The following JUND variants were observed in gnomAD, a reference collection of about 807,000 sequenced individuals.
The protein encoded by JUND is transcription factor JunD.
In JUND, 2 loss-of-function variants were observed where a neutral mutation model predicts 7.1. The observed-to-expected ratio is 0.28, with a 90% CI of 0.11 to 0.88. The LOEUF (loss-of-function observed/expected upper bound fraction) is 0.88, where lower values mean the gene tolerates loss of function less well. Ranked by LOEUF, JUND falls within the 40% of genes least tolerant of loss-of-function variation. JUND has a pLI of 0.60. For synonymous variants in JUND, 335 were observed against 263.2 expected (o/e 1.27, Z -2.64); for missense variants, 479 against 519.1 (o/e 0.92, Z 0.75).
rs1009497995 is a variant in JUND at position 18,279,852 on chromosome 19, A to G, written c.*589T>C. The G allele has an allele frequency of 6.8e-6, 1 of 147,488 alleles. No individual in the cohort carries two copies. The highest frequency in any genetic ancestry group is 1.5e-5 in the Non-Finnish European group (1 of 66,866). 9.1% of individuals were successfully genotyped at this position (147,488 alleles called of 1,614,324 possible). On this transcript the variant is annotated 3_prime_UTR_variant, in exon 1 of 1. Transcript: ENST00000252818. Reference sequence around the variant, plus strand: ...CTCGTAGCAAAACAAAACAAAACAGAACAAAAAAGGGAGGGGGGACCGGTC... The same window carrying G: ...CTCGTAGCAAAACAAAACAAAACAGGACAAAAAAGGGAGGGGGGACCGGTC...
chr19:18,280,342 CCCAGGGCCG>C lies in JUND; in HGVS notation c.*90_*98del, dbSNP rs1335618235. On this transcript the variant is annotated 3_prime_UTR_variant, in exon 1 of 1. Coordinates refer to ENST00000252818, the MANE Select transcript of JUND (RefSeq NM_005354.6). The surrounding 1 kb of genome is among the most constrained non-coding windows in gnomAD (Gnocchi z 4.1). ...TGGGCACACTCGGGGAGGGGGGGTCCCCAGGGCCGCACCCTCTCCAAGTCCGGGGCGCCC... is the reference window on the plus strand; with the variant it reads ...TGGGCACACTCGGGGAGGGGGGGTCCCACCCTCTCCAAGTCCGGGGCGCCC... The C allele has an allele frequency of 1.5e-6, 2 of 1,349,434 alleles. No homozygotes were observed. Among genetic ancestry groups the C allele is most frequent in the Non-Finnish European group, 2.0e-6 (2 of 1,009,704 alleles). The allele number at this position is 1,349,434 out of a possible 1,614,324, so 83.6% of individuals were successfully genotyped here.
Position 18,281,556 on chromosome 19 carries a change from TCCGCTCGGCCCTGCGCCCGCCCCGG to T in JUND, c.-97_-73del. On this transcript the variant is annotated 5_prime_UTR_variant, in exon 1 of 1. Coordinates refer to ENST00000252818, the MANE Select transcript of JUND (RefSeq NM_005354.6). Reference sequence around the variant, plus strand: ...CTCCCGGGGGGCCCGCGCCCCCCCGTCCGCTCGGCCCTGCGCCCGCCCCGGCCGCGGCCGCAGCGCCCGGCCCTCC... The same window carrying T: ...CTCCCGGGGGGCCCGCGCCCCCCCGTCCGCGGCCGCAGCGCCCGGCCCTCC... 1.5e-6 allele frequency: 1 copy of T among 678,028 alleles called. No individual in the cohort carries two copies. The highest frequency in any genetic ancestry group is 1.9e-6 in the Non-Finnish European group (1 of 536,272). 42.0% of individuals were successfully genotyped at this position (678,028 alleles called of 1,614,324 possible). A position where few individuals can be genotyped will look rare whatever the true frequency, so the allele number is the denominator to read the frequency against.
rs1969948656 is a variant in JUND, at chr19:18,281,466, C to G, written c.19G>C (p.Gly7Arg). 1 of 1,347,640 alleles carries G rather than the reference C, an allele frequency of 7.4e-7. No homozygotes were observed. Among genetic ancestry groups the G allele is most frequent in the Non-Finnish European group, 9.5e-7 (1 of 1,053,014 alleles). 83.5% of individuals were successfully genotyped at this position (1,347,640 alleles called of 1,614,324 possible). The change falls in exon 1 of 1, where the codon GGC becomes CGC. Residue 7 changes from glycine (G) to arginine (R), a missense_variant. Around this residue, in one of 3 missense-constraint regions of JUND, gnomAD observed 374 missense variants for 365.4 expected, o/e 1.02. Coordinates refer to ENST00000252818, the MANE Select transcript of JUND (RefSeq NM_005354.6). ...CCCAGGCCGCTCAGCGCCTCATCGC[C>G]GTAGAAGGGTGTTTCCATCCTCCGC... is the stretch of plus-strand genomic sequence containing the variant. METPFYGDEALSGLGGG... is the reference protein window; with the variant it reads METPFYRDEALSGLGGG...
chr19:18,281,267 AG>A lies in JUND; in HGVS notation c.217del (p.Leu73CysfsTer24), dbSNP rs1378786621. On this transcript the variant is annotated frameshift_variant, in exon 1 of 1. Coordinates refer to ENST00000252818, the MANE Select transcript of JUND (RefSeq NM_005354.6). LOFTEE classifies it low-confidence loss of function (END_TRUNC). Reference sequence around the variant, plus strand: ...CGCGCTGGGGGCGCCGTCGGCGCGCAGGGGGGTAGGAGGCGGCGCGGCCGCA... The same window carrying A: ...CGCGCTGGGGGCGCCGTCGGCGCGCAGGGGGTAGGAGGCGGCGCGGCCGCA... ...KPAAAPPPTP[L>X]RADGAPSAAP... The A allele has an allele frequency of 3.4e-6, 5 of 1,450,662 alleles. No individual in the cohort carries two copies. Among genetic ancestry groups the A allele is most frequent in the East Asian group, 3.0e-5 (1 of 33,600 alleles). 89.9% of individuals were successfully genotyped at this position (1,450,662 alleles called of 1,614,324 possible).
chr19:18,280,434 C>G lies in JUND; in HGVS notation c.*7G>C, dbSNP rs1361682337. ...AGGGTGGCCGCGCATGCGCCCCGCG[C>G]GCGGACTCAGTACGCGGGCACCTGG... On this transcript the variant is annotated 3_prime_UTR_variant, in exon 1 of 1. Coordinates refer to ENST00000252818, the MANE Select transcript of JUND (RefSeq NM_005354.6). This position sits in a 1 kb window ranked among gnomAD's most constrained non-coding sequence, Gnocchi z 4.1. The G allele has an allele frequency of 1.9e-6, 3 of 1,547,794 alleles. No individual in the cohort carries two copies. Among genetic ancestry groups the G allele is most frequent in the Admixed American group, 2.0e-5 (1 of 51,004 alleles).
chr19:18,280,980 G>C lies in JUND; in HGVS notation c.505C>G (p.Pro169Ala), dbSNP rs1969935357. The C allele has an allele frequency of 9.0e-7, 1 of 1,112,954 alleles. No homozygotes were observed. The highest frequency in any genetic ancestry group is 1.1e-6 in the Non-Finnish European group (1 of 918,014). 68.9% of individuals were successfully genotyped at this position (1,112,954 alleles called of 1,614,324 possible). The change falls in exon 1 of 1, where the codon CCC becomes GCC. Residue 169 changes from proline to alanine, a missense_variant. Coordinates refer to ENST00000252818, the MANE Select transcript of JUND (RefSeq NM_005354.6). This position sits in a 1 kb window ranked among gnomAD's most constrained non-coding sequence, Gnocchi z 4.1. Reference sequence around the variant, plus strand: ...GCGGAGCCCGTGGCCGTGCCCGAGGGCCCCCCGGCGGCGGCGGCGGCGGCG... The same window carrying C: ...GCGGAGCCCGTGGCCGTGCCCGAGGCCCCCCCGGCGGCGGCGGCGGCGGCG... ...AAAAAAAAGGPSGTATGSAPP... is the reference protein window; with the variant it reads ...AAAAAAAAGGASGTATGSAPP...
In JUND at chr19:18,280,497, T is replaced by C. The variant is rs1430585955; in HGVS notation, c.988A>G (p.Ser330Gly). ...AGCTGGCAGCCGCTGTTGACGTGGCTGAGGACTTTCTGCTTGAGCTGCGCC... is the reference window on the plus strand; with the variant it reads ...AGCTGGCAGCCGCTGTTGACGTGGCCGAGGACTTTCTGCTTGAGCTGCGCC... ...QVAQLKQKVL[S>G]HVNSGCQLLP... Residue 330 changes from serine to glycine, a missense_variant, in exon 1 of 1, where the codon AGC becomes GGC. Ser to Gly is a moderately conservative substitution (Grantham distance 56). Coordinates refer to ENST00000252818, the MANE Select transcript of JUND (RefSeq NM_005354.6). This position sits in a 1 kb window ranked among gnomAD's most constrained non-coding sequence, Gnocchi z 4.1. 6.3e-7 allele frequency: 1 copy of C among 1,597,932 alleles called. No individual in the cohort carries two copies. Among genetic ancestry groups the C allele is most frequent in the South Asian group, 1.1e-5 (1 of 89,194 alleles).
Position 18,280,978 on chromosome 19 carries a change from G to A in JUND, c.507C>T (p.Pro169=), listed in dbSNP as rs760521938. ...GCGCGGAGCCCGTGGCCGTGCCCGA[G>A]GGCCCCCCGGCGGCGGCGGCGGCGG... ...AAAAAAAAGG[P]SGTATGSAPP... The change falls in exon 1 of 1, where the codon CCC becomes CCT. Residue 169 remains proline, a synonymous_variant. Coordinates refer to ENST00000252818, the MANE Select transcript of JUND (RefSeq NM_005354.6). This position sits in a 1 kb window ranked among gnomAD's most constrained non-coding sequence, Gnocchi z 4.1. The A allele has an allele frequency of 1.9e-5, 21 of 1,109,050 alleles. No individual in the cohort carries two copies. The highest frequency in any genetic ancestry group is 1.6e-4 in the South Asian group (4 of 24,362). 68.7% of individuals were successfully genotyped at this position (1,109,050 alleles called of 1,614,324 possible). A position where few individuals can be genotyped will look rare whatever the true frequency, so the allele number is the denominator to read the frequency against.
chr19:18,280,241 A>T lies in JUND; in HGVS notation c.*200T>A. 5.8e-6 allele frequency: 1 copy of T among 172,110 alleles called. No individual in the cohort carries two copies. The allele number at this position is 172,110 out of a possible 1,614,324, so 10.7% of individuals were successfully genotyped here. The stretch of plus-strand genomic sequence containing the variant: ...GTCATGCGCTCGCCCCCCCGGGAGC[A>T]GGGGGTCCAGCTTGTCGAGTCCTGG... On this transcript the variant is annotated 3_prime_UTR_variant, in exon 1 of 1. Coordinates refer to ENST00000252818, the MANE Select transcript of JUND (RefSeq NM_005354.6). The surrounding 1 kb of genome is among the most constrained non-coding windows in gnomAD (Gnocchi z 4.1).
Position 18,280,812 on chromosome 19 carries a change from G to A in JUND, c.673C>T (p.Pro225Ser). 1.3e-6 allele frequency: 2 copies of A among 1,558,958 alleles called. No individual in the cohort carries two copies. The highest frequency in any genetic ancestry group is 1.7e-6 in the Non-Finnish European group (2 of 1,161,988). Reference sequence around the variant, plus strand: ...GGCCCCAACGCGCCTGGGGGTGGCGGCGGCGGGAAGGGCACAGGTTCGGCA... The same window carrying A: ...GGCCCCAACGCGCCTGGGGGTGGCGACGGCGGGAAGGGCACAGGTTCGGCA... ...FAAEPVPFPP[P>S]PPPGALGPPR... Residue 225 changes from proline (P) to serine (S), a missense_variant, in exon 1 of 1, where the codon CCG becomes TCG. Transcript: ENST00000252818. The surrounding 1 kb of genome is among the most constrained non-coding windows in gnomAD (Gnocchi z 4.1).
chr19:18,281,494 C>A lies in JUND; in HGVS notation c.-10G>T. ...AGAAGGGTGTTTCCATCCTCCGCCTCCCCCGCCGCGCCGGCCCGGGGGGGA... is the reference window on the plus strand; with the variant it reads ...AGAAGGGTGTTTCCATCCTCCGCCTACCCCGCCGCGCCGGCCCGGGGGGGA... On this transcript the variant is annotated 5_prime_UTR_variant, in exon 1 of 1. Coordinates refer to ENST00000252818, the MANE Select transcript of JUND (RefSeq NM_005354.6). 7.8e-7 allele frequency: 1 copy of A among 1,275,704 alleles called. No individual in the cohort carries two copies. The highest frequency in any genetic ancestry group is 9.9e-7 in the Non-Finnish European group (1 of 1,013,604). 79.0% of individuals were successfully genotyped at this position (1,275,704 alleles called of 1,614,324 possible).
rs763805694 is a variant in JUND, at chr19:18,281,126, C to T, written c.359G>A (p.Ser120Asn). Residue 120 changes from serine to asparagine, a missense_variant, in exon 1 of 1, where the codon AGC (serine) becomes AAC (asparagine). This residue lies in a region of JUND where 374 missense variants were observed against 365.4 expected (regional missense o/e 1.02). Coordinates refer to ENST00000252818, the MANE Select transcript of JUND (RefSeq NM_005354.6). ...CACCTTGGGGTAGAGGAACTGTGAG[C>T]TCGTCGGCGTGGTGGTGACCAGCCC... ...SNGLVTTTPT[S>N]SQFLYPKVAA... The T allele has an allele frequency of 4.3e-5, 68 of 1,579,374 alleles. No homozygotes were observed. The highest frequency in any genetic ancestry group is 5.4e-5 in the Non-Finnish European group (63 of 1,168,690).
At position 18,280,519 on chromosome 19, in the gene JUND, C is replaced by G; in HGVS notation, c.966G>C (p.Ala322=). 1 of 1,609,100 alleles carries G rather than the reference C, an allele frequency of 6.2e-7. No homozygotes were observed. The highest frequency in any genetic ancestry group is 8.5e-7 in the Non-Finnish European group (1 of 1,178,244). Residue 322 remains alanine, a synonymous_variant, in exon 1 of 1, where the codon GCG becomes GCC. Coordinates refer to ENST00000252818, the MANE Select transcript of JUND (RefSeq NM_005354.6). The surrounding 1 kb of genome is among the most constrained non-coding windows in gnomAD (Gnocchi z 4.1). The stretch of plus-strand genomic sequence containing the variant: ...GGCTGAGGACTTTCTGCTTGAGCTG[C>G]GCCACCTGCTCGCGCAGCAGGCTCG... ...STASLLREQV[A]QLKQKVLSHV...
rs1969934159 is a variant in JUND at position 18,280,935 on chromosome 19, G to A, written c.550C>T (p.Pro184Ser). ...GGCGCTTCGGGCGCGGCCGCCGCCG[G>A]GGCCAGCTCGCCGGGGGGCGCGGAG... The part of the protein sequence containing the change: ...TGSAPPGELA[P>S]AAAAPEAPVY... Residue 184 changes from proline to serine, a missense_variant, in exon 1 of 1, where the codon CCG becomes TCG. Physicochemically the swap from Pro to Ser is moderately conservative, Grantham distance 74. This residue lies in a region of JUND where 374 missense variants were observed against 365.4 expected (regional missense o/e 1.02). Coordinates refer to ENST00000252818, the MANE Select transcript of JUND (RefSeq NM_005354.6). This position sits in a 1 kb window ranked among gnomAD's most constrained non-coding sequence, Gnocchi z 4.1. 5.4e-6 allele frequency: 6 copies of A among 1,112,644 alleles called. No individual in the cohort carries two copies. The highest frequency in any genetic ancestry group is 5.5e-6 in the Non-Finnish European group (5 of 914,166). The allele number at this position is 1,112,644 out of a possible 1,614,324, so 68.9% of individuals were successfully genotyped here. A position where few individuals can be genotyped will look rare whatever the true frequency, so the allele number is the denominator to read the frequency against.
chr19:18,281,486 C>T lies in JUND; in HGVS notation c.-2G>A. On this transcript the variant is annotated 5_prime_UTR_variant, in exon 1 of 1. Coordinates refer to ENST00000252818, the MANE Select transcript of JUND (RefSeq NM_005354.6). ...ATCGCCGTAGAAGGGTGTTTCCATCCTCCGCCTCCCCCGCCGCGCCGGCCC... is the reference window on the plus strand; with the variant it reads ...ATCGCCGTAGAAGGGTGTTTCCATCTTCCGCCTCCCCCGCCGCGCCGGCCC... 2.3e-6 allele frequency: 3 copies of T among 1,293,702 alleles called. No homozygotes were observed. The highest frequency in any genetic ancestry group is 4.0e-5 in the Admixed American group (1 of 25,010). The allele number at this position is 1,293,702 out of a possible 1,614,324, so 80.1% of individuals were successfully genotyped here.
chr19:18,280,999 G>GGCC lies in JUND; in HGVS notation c.485_486insGGC (p.Ala166dup). 1 of 1,231,954 alleles carries GGCC rather than the reference G, an allele frequency of 8.1e-7. No homozygotes were observed. The highest frequency in any genetic ancestry group is 1.0e-6 in the Non-Finnish European group (1 of 987,580). 76.3% of individuals were successfully genotyped at this position (1,231,954 alleles called of 1,614,324 possible). Reference sequence around the variant, plus strand: ...CCGAGGGCCCCCCGGCGGCGGCGGCGGCGGCGGCAGCGGCCGCGCCCGCGC... The same window carrying GGCC: ...CCGAGGGCCCCCCGGCGGCGGCGGCGGCCGCGGCGGCAGCGGCCGCGCCCGCGC... On this transcript the variant is annotated inframe_insertion, in exon 1 of 1. Coordinates refer to ENST00000252818, the MANE Select transcript of JUND (RefSeq NM_005354.6). The surrounding 1 kb of genome is among the most constrained non-coding windows in gnomAD (Gnocchi z 4.1).
At position 18,281,485 on chromosome 19, in the gene JUND, C is replaced by T. The variant is rs1311798168; in HGVS notation, c.-1G>A. 7.7e-6 allele frequency: 10 copies of T among 1,294,112 alleles called. No individual in the cohort carries two copies. The highest frequency in any genetic ancestry group is 6.3e-5 in the African/African-American group (4 of 63,934). The allele number at this position is 1,294,112 out of a possible 1,614,324, so 80.2% of individuals were successfully genotyped here. Reference sequence around the variant, plus strand: ...CATCGCCGTAGAAGGGTGTTTCCATCCTCCGCCTCCCCCGCCGCGCCGGCC... The same window carrying T: ...CATCGCCGTAGAAGGGTGTTTCCATTCTCCGCCTCCCCCGCCGCGCCGGCC... On this transcript the variant is annotated 5_prime_UTR_variant, in exon 1 of 1. Transcript: ENST00000252818.
chr19:18,280,706 G>A lies in JUND; in HGVS notation c.779C>T (p.Pro260Leu). 4 of 1,611,822 alleles carry A rather than the reference G, an allele frequency of 2.5e-6. No homozygotes were observed. Among genetic ancestry groups the A allele is most frequent in the East Asian group, 2.2e-5 (1 of 44,784 alleles). Residue 260 changes from proline (P) to leucine (L), a missense_variant, in exon 1 of 1, where the codon CCC becomes CTC. Coordinates refer to ENST00000252818, the MANE Select transcript of JUND (RefSeq NM_005354.6). This position sits in a 1 kb window ranked among gnomAD's most constrained non-coding sequence, Gnocchi z 4.1. Reference sequence around the variant, plus strand: ...GCGCTCCTGCGTGTCCATGTCGATGGGCGACAACGGCGGGCTCTCGCCGAA... The same window carrying A: ...GCGCTCCTGCGTGTCCATGTCGATGAGCGACAACGGCGGGCTCTCGCCGAA... ...PSFGESPPLS[P>L]IDMDTQERIK...
rs1249695670 is a variant in JUND at position 18,280,981 on chromosome 19, C to A, written c.504G>T (p.Gly168=). 1 of 1,116,684 alleles carries A rather than the reference C, an allele frequency of 9.0e-7. No homozygotes were observed. 69.2% of individuals were successfully genotyped at this position (1,116,684 alleles called of 1,614,324 possible). ...CGGAGCCCGTGGCCGTGCCCGAGGGCCCCCCGGCGGCGGCGGCGGCGGCGG... is the reference window on the plus strand; with the variant it reads ...CGGAGCCCGTGGCCGTGCCCGAGGGACCCCCGGCGGCGGCGGCGGCGGCGG... ...AAAAAAAAAG[G]PSGTATGSAP... Residue 168 remains glycine, a synonymous_variant, in exon 1 of 1, where the codon GGG becomes GGT. Coordinates refer to ENST00000252818, the MANE Select transcript of JUND (RefSeq NM_005354.6). The surrounding 1 kb of genome is among the most constrained non-coding windows in gnomAD (Gnocchi z 4.1).
Sources: allele counts gnomAD v4.1 joint callset, GRCh38; gene constraint gnomAD v4.1.1; regional missense constraint gnomAD v4.1.1; non-coding constraint Gnocchi (gnomAD v3.1); transcripts MANE v1.5; gene names NCBI Gene and HGNC (gene_info 2026-07-23, HGNC 2026-07-21).